The following FOXP2 variants were observed in gnomAD, a reference collection of about 807,000 sequenced individuals.
FOXP2 encodes the protein forkhead box protein P2.
FOXP2 carries 12 observed loss-of-function variants against 115.8 expected under a neutral mutation model. The ratio of observed to expected loss-of-function variants is 0.10; its 90% CI spans 0.07 to 0.17. The LOEUF (loss-of-function observed/expected upper bound fraction) is 0.17, where lower values mean the gene tolerates loss of function less well. FOXP2 is among the 10% of genes least tolerant of loss of function. FOXP2 has a pLI of 1.00. For synonymous variants in FOXP2, 328 were observed against 297.7 expected, an observed-to-expected ratio of 1.10 and a Z score of -1.05; for missense variants, 629 against 843.5, an observed-to-expected ratio of 0.75 and a Z score of 3.15.
chr7:114,564,878 CA>C (rs35022872), intron 3 of FOXP2, among the ~76,000 whole-genome samples: 16,402 of 88,102 alleles, frequency 0.19, 935 homozygotes, highest in Middle Eastern at 0.3. Context: ...AAGGCCCTGT[CA>C]AAAAAAAAAA....
chr7:114,590,458 G>A (rs1802387081), intron 3 of FOXP2, among the ~76,000 whole-genome samples: 1 of 152,168 alleles, frequency 6.6e-6, no homozygotes, highest in Non-Finnish European at 1.5e-5. Context: ...CAGGGTTATA[G>A]TGATACAAGC....
chr7:114,603,979 C>T (rs1803171444), intron 3 of FOXP2, among the ~76,000 whole-genome samples: 1 of 152,134 alleles, frequency 6.6e-6, no homozygotes, highest in African/African-American at 2.4e-5. Flanking sequence ...TTCAAGGATA[C>T]TTTCAATATG....
intron 16 of FOXP2, chr7:114,669,560 A>G (rs1331508337): frequency 6.6e-6 from 1 of 152,054 alleles, no homozygotes; most frequent in Non-Finnish European, 1.5e-5. Flanking sequence ...TAGAATATGA[A>G]TTAAAAATGA....
chr7:114,237,412 C>T (rs1329282122), intron 1 of FOXP2, among the ~76,000 whole-genome samples: 2 of 152,130 alleles, frequency 1.3e-5, no homozygotes, highest in Non-Finnish European at 2.9e-5. Flanking sequence ...ATGGGAATAG[C>T]ACATTTGGGA....
intron 2 of FOXP2, among the ~76,000 whole-genome samples, chr7:114,442,768 G>T (rs991465856): frequency 5.3e-5 from 8 of 152,064 alleles, no homozygotes; most frequent in African/African-American, 1.9e-4. Flanking sequence ...AGCCAAAGCG[G>T]GTGAATTTTA....
rs537011426 is a variant in FOXP2 at position 114,090,694 on chromosome 7, C to T, written c.-247+2856C>T. Among the ~76,000 whole-genome samples the T allele has an allele frequency of 4.6e-5, 7 of 151,876 alleles. No individual in the cohort carries two copies. The East Asian group carries it at 1.2e-3, about 25-fold the overall frequency. ...TTAAATGTTGTAGTTTAGTTTTATT[C>T]CTTCCTTAGGTGAAATAAACATTTT... On this transcript the variant is annotated intron_variant, in intron 1 of 19. Transcript: ENST00000635638.
intron 2 of FOXP2, among the ~76,000 whole-genome samples, chr7:114,340,096 C>A (rs115655024): frequency 0.012 from 1,804 of 151,190 alleles, 25 homozygotes; most frequent in African/African-American, 0.032. Flanking sequence ...CCTCCAAAAC[C>A]ATTTAAACCC....
chr7:114,264,991 C>A (rs1359280877), intron 1 of FOXP2, among the ~76,000 whole-genome samples: 1 of 152,222 alleles, frequency 6.6e-6, no homozygotes, highest in Non-Finnish European at 1.5e-5. Flanking sequence ...CTACTTCCAA[C>A]ATTGGGGATT....
intron 2 of FOXP2, among the ~76,000 whole-genome samples, chr7:114,356,967 G>A (rs545148556): frequency 2.0e-5 from 3 of 152,096 alleles, no homozygotes; most frequent in African/African-American, 2.4e-5. Flanking sequence ...GACAAAGAGC[G>A]TATTTCAACC....
intron 2 of FOXP2, among the ~76,000 whole-genome samples, chr7:114,294,853 T>C (rs1425017144): frequency 6.9e-6 from 1 of 144,022 alleles, no homozygotes; most frequent in African/African-American, 2.8e-5. Context: ...AATAAATAAA[T>C]AAATAAATAA....
chr7:114,286,581 A>G (rs1402760887), intron 1 of FOXP2, among the ~76,000 whole-genome samples: 3 of 152,076 alleles, frequency 2.0e-5, no homozygotes, highest in Non-Finnish European at 1.5e-5. Context: ...AAAAATTAAC[A>G]TAAGGAAAGC....
upstream of FOXP2, among the ~76,000 whole-genome samples, chr7:114,410,107 A>G (rs1409084615): frequency 6.6e-6 from 1 of 152,050 alleles, no homozygotes; most frequent in Non-Finnish European, 1.5e-5. Context: ...CGCCATATAG[A>G]CTTCTTTGTT....
chr7:114,664,325 A>G lies in FOXP2; in HGVS notation c.1892A>G (p.Asn631Ser), dbSNP rs1807046886. The change falls in exon 16 of 17, where the codon AAT becomes AGT. Residue 631 changes from asparagine to serine, a missense_variant. Asn to Ser is a conservative substitution (Grantham distance 46). Transcript: ENST00000350908. ...LPLLSNPGLI[N>S]NASSGLLQAV... is the part of the protein sequence containing the mutation. ...TTGCTAAGTAATCCTGGACTGATAAATAATGCATCCAGTGGCCTACTGCAG... is the reference window on the plus strand; with the variant it reads ...TTGCTAAGTAATCCTGGACTGATAAGTAATGCATCCAGTGGCCTACTGCAG... 7 of 1,613,486 alleles carry G rather than the reference A, an allele frequency of 4.3e-6. No individual in the cohort carries two copies. The highest frequency in any genetic ancestry group is 1.3e-5 in the African/African-American group (1 of 74,892).
chr7:114,449,025 T>C (rs1270959275), intron 2 of FOXP2, among the ~76,000 whole-genome samples: 1 of 152,108 alleles, frequency 6.6e-6, no homozygotes, highest in East Asian at 1.9e-4. Flanking sequence ...TCTTTTCAAC[T>C]TTGATGCCCC....
intron 2 of FOXP2, among the ~76,000 whole-genome samples, chr7:114,494,684 G>A (rs1797229520): frequency 6.6e-6 from 1 of 151,956 alleles, no homozygotes; most frequent in African/African-American, 2.4e-5. Context: ...AGAGTTATTT[G>A]TATAAAATTA....
Position 114,502,503 on chromosome 7 carries a change from G to C in FOXP2, c.169-32114G>C, listed in dbSNP as rs114464297. ...TAACAATTTTTATGGAAGGCTGAAAGTGTATAAGTTCACAGTTGTAGCGAT... is the reference window on the plus strand; with the variant it reads ...TAACAATTTTTATGGAAGGCTGAAACTGTATAAGTTCACAGTTGTAGCGAT... On this transcript the variant is annotated intron_variant, in intron 2 of 16. Coordinates refer to ENST00000350908, the MANE Select transcript of FOXP2 (RefSeq NM_014491.4). Among the ~76,000 whole-genome samples, 843 of 152,146 alleles carry C rather than the reference G, an allele frequency of 5.5e-3. 5 individuals carry two copies. The highest frequency in any genetic ancestry group is 0.019 in the African/African-American group (805 of 41,544).
rs541891750 is a variant in FOXP2, at chr7:114,284,077, T to A, written c.-101-3942T>A. 2.0e-5 allele frequency among the ~76,000 whole-genome samples: 3 copies of A among 152,074 alleles called. No homozygotes were observed. The South Asian group carries it at 6.2e-4, about 31-fold the overall frequency. On this transcript the variant is annotated intron_variant, in intron 1 of 17. Transcript: ENST00000634411. ...AGATAGGTCAAATGGTCTGGGAATG[T>A]CTGAGTGATGTTCTTTTGCCTGCCA...
In FOXP2 at chr7:114,693,267, T is replaced by G. The variant is rs1808772791; in HGVS notation, c.*3341T>G. The G allele has an allele frequency of 2.2e-6, 1 of 450,622 alleles. No individual in the cohort carries two copies. The allele number at this position is 450,622 out of a possible 1,614,324, so 27.9% of individuals were successfully genotyped here. ...ATCAGCATTCTGTGTCTACAGCTGCTTAACTTCATAAGAATGCATTTCTTT... is the reference window on the plus strand; with the variant it reads ...ATCAGCATTCTGTGTCTACAGCTGCGTAACTTCATAAGAATGCATTTCTTT... On this transcript the variant is annotated 3_prime_UTR_variant, in exon 17 of 17. Transcript: ENST00000350908.
chr7:114,111,199 C>T (rs554400641), intron 1 of FOXP2, among the ~76,000 whole-genome samples: 12 of 152,246 alleles, frequency 7.9e-5, no homozygotes, highest in Non-Finnish European at 1.5e-4. Context: ...ATGTGACTTG[C>T]TTTGGCCGGT....
Sources: allele counts gnomAD v4.1 joint callset (sites outside exome capture counted in the v4.1 genomes callset), GRCh38; gene constraint gnomAD v4.1.1; transcripts MANE v1.5; gene names NCBI Gene and HGNC (gene_info 2026-07-23, HGNC 2026-07-21).